ZBTB7C: variants seen among roughly 807,000 people sequenced by gnomAD.
ZBTB7C encodes the protein zinc finger and BTB domain containing 7C.
A neutral mutation model predicts 25.7 loss-of-function variants in ZBTB7C; 8 were observed. The observed-to-expected ratio is 0.31, with a 90% confidence interval of 0.18 to 0.56. ZBTB7C has a LOEUF of 0.56. Ranked by LOEUF, ZBTB7C falls within the 20% of genes least tolerant of loss-of-function variation. The pLI, the probability that ZBTB7C is intolerant of heterozygous loss-of-function variation, is 0.91. For missense variants in ZBTB7C, 824 were observed against 855.2 expected (o/e 0.96, Z 0.46); for synonymous variants, 394 against 369.0 (o/e 1.07, Z -0.78).
chr18:48,352,873 C>G (rs2046896165), intron 1 of ZBTB7C, among the ~76,000 whole-genome samples: 1 of 152,026 alleles, frequency 6.6e-6, no homozygotes. Context: ...AGGGCTGGGA[C>G]CCAAGTTACT....
intron 3 of ZBTB7C, among the ~76,000 whole-genome samples, chr18:48,127,358 A>T (rs1056577900): frequency 1.3e-5 from 2 of 152,138 alleles, no homozygotes. Flanking sequence ...ACTGAACAGC[A>T]CTGTCTCTCT....
chr18:48,275,272 T>C (rs2044611315), intron 2 of ZBTB7C, among the ~76,000 whole-genome samples: 1 of 152,240 alleles, frequency 6.6e-6, no homozygotes, highest in South Asian at 2.1e-4. Context: ...TATGGTTTAC[T>C]AGAAGGCAGC....
intron 3 of ZBTB7C, among the ~76,000 whole-genome samples, chr18:48,090,591 A>G (rs2038375203): frequency 6.6e-6 from 1 of 152,208 alleles, no homozygotes; most frequent in African/African-American, 2.4e-5. Context: ...GTCCTGGGGA[A>G]GTGGACAGAG....
chr18:48,187,628 A>C (rs1213135329), intron 2 of ZBTB7C, among the ~76,000 whole-genome samples: 1 of 152,104 alleles, frequency 6.6e-6, no homozygotes, highest in Non-Finnish European at 1.5e-5. Flanking sequence ...CCTGGCTAAC[A>C]CGGTGAAACC....
intron 2 of ZBTB7C, among the ~76,000 whole-genome samples, chr18:48,247,001 G>A (rs952827415): frequency 2.6e-5 from 4 of 152,118 alleles, no homozygotes; most frequent in Non-Finnish European, 5.9e-5. Context: ...GATTACCCCA[G>A]GGTTGCAAGC....
intron 3 of ZBTB7C, among the ~76,000 whole-genome samples, chr18:48,184,324 T>C (rs1434815238): frequency 6.6e-6 from 1 of 152,160 alleles, no homozygotes; most frequent in Non-Finnish European, 1.5e-5. Flanking sequence ...AAAGGACCTG[T>C]TGCATAATCT....
At chr18:48,349,676 C>A (rs545308938) in intron 1 of ZBTB7C, among the ~76,000 whole-genome samples, 1 of 152,184 alleles carries the variant, frequency 6.6e-6, no homozygotes, top group East Asian at 1.9e-4. Context: ...AGCCCTACCA[C>A]CACTCAGACT....
chr18:48,362,723 G>C (rs943897916), intron 1 of ZBTB7C, among the ~76,000 whole-genome samples: 3 of 152,120 alleles, frequency 2.0e-5, no homozygotes, highest in Non-Finnish European at 4.4e-5. Context: ...CAAGACGCAT[G>C]GGTTAGTTCT....
chr18:48,376,876 C>A (rs1456957162), intron 1 of ZBTB7C, among the ~76,000 whole-genome samples: 6 of 152,262 alleles, frequency 3.9e-5, no homozygotes, highest in Non-Finnish European at 8.8e-5. Context: ...CCCAACAGGG[C>A]CTTCTGCCTC....
intron 2 of ZBTB7C, among the ~76,000 whole-genome samples, chr18:48,310,123 G>C (rs572731847): frequency 6.6e-6 from 1 of 151,896 alleles, no homozygotes; most frequent in Admixed American, 6.6e-5. Flanking sequence ...CCAGCTACTC[G>C]GGAGGCTGAG....
In ZBTB7C at chr18:48,095,072, A is replaced by G. The variant is rs1215541837; in HGVS notation, c.-16-53949T>C. On this transcript the variant is annotated intron_variant, in intron 3 of 4. Transcript: ENST00000590800. ...GAATTTGCTGCAAAAATCTCCCCCA[A>G]TTCCCTCCTGGTAGTAACCAGGTGG... is the stretch of plus-strand genomic sequence containing the variant. 2.0e-5 allele frequency among the ~76,000 whole-genome samples: 3 copies of G among 152,110 alleles called. No individual in the cohort carries two copies. In the South Asian group the frequency reaches 6.2e-4, roughly 32 times the overall value.
At chr18:48,212,398 T>C (rs1447001015) in intron 2 of ZBTB7C, among the ~76,000 whole-genome samples, 1 of 152,070 alleles carries the variant, frequency 6.6e-6, no homozygotes, top group African/African-American at 2.4e-5. Context: ...GTTACTGTTA[T>C]GATGGACACA....
At chr18:48,388,609 C>T (rs964201816) in intron 1 of ZBTB7C, among the ~76,000 whole-genome samples, 3 of 152,216 alleles carry the variant, frequency 2.0e-5, no homozygotes, top group Admixed American at 1.3e-4. Context: ...GACAGCCAGG[C>T]GCGGTAGTAC....
intron 1 of ZBTB7C, among the ~76,000 whole-genome samples, chr18:48,356,207 CT>C (rs767686577): frequency 1.1e-4 from 16 of 152,196 alleles, no homozygotes; most frequent in Non-Finnish European, 2.4e-4. Context: ...TCTTGTCGGA[CT>C]GTTACAGAGA....
At chr18:48,165,378 G>A (rs116137854) in intron 3 of ZBTB7C, 2 of 374,104 alleles carry the variant, frequency 5.3e-6, no homozygotes, top group Non-Finnish European at 1.1e-5. Flanking sequence ...TCGCCCTGCG[G>A]AGCTGCCCAT....
chr18:48,200,359 C>A lies in ZBTB7C; in HGVS notation c.-78-14364G>T, dbSNP rs528634690. On this transcript the variant is annotated intron_variant, in intron 2 of 4. Coordinates refer to ENST00000590800, the MANE Select transcript of ZBTB7C (RefSeq NM_001318841.2). ...TGCCTTGGTGAAGGGCCTGTGTGGC[C>A]GGTGTTTGTAGTACAGGCCAGACCA... 3.6e-3 allele frequency among the ~76,000 whole-genome samples: 552 copies of A among 152,000 alleles called. 4 individuals are homozygous for A. Among genetic ancestry groups the A allele is most frequent in the African/African-American group, 0.013 (541 of 41,456 alleles).
At chr18:48,083,259 A>G (rs752475433) in intron 3 of ZBTB7C, among the ~76,000 whole-genome samples, 1 of 152,084 alleles carries the variant, frequency 6.6e-6, no homozygotes, top group Non-Finnish European at 1.5e-5. Context: ...TTGCAGTTTG[A>G]AAAACACTGC....
At chr18:48,076,437 G>T (rs1026476176) in intron 3 of ZBTB7C, among the ~76,000 whole-genome samples, 2 of 152,152 alleles carry the variant, frequency 1.3e-5, no homozygotes, top group African/African-American at 4.8e-5. Flanking sequence ...GAGGTGGGGG[G>T]TTTCCAATGG....
At chr18:48,032,597 G>A (rs962161049) in intron 4 of ZBTB7C, among the ~76,000 whole-genome samples, 1 of 151,548 alleles carries the variant, frequency 6.6e-6, no homozygotes, top group Non-Finnish European at 1.5e-5. Flanking sequence ...ACTACGCCTG[G>A]CTAATTTTTT....
Sources: allele counts gnomAD v4.1 joint callset (sites outside exome capture counted in the v4.1 genomes callset), GRCh38; gene constraint gnomAD v4.1.1; transcripts MANE v1.5; gene names NCBI Gene and HGNC (gene_info 2026-07-23, HGNC 2026-07-21).